NEUROD1: variants seen among roughly 807,000 people sequenced by gnomAD.
NEUROD1 encodes the protein neurogenic differentiation factor 1.
A neutral mutation model predicts 21.8 loss-of-function variants in NEUROD1; 9 were observed. That is an observed-to-expected ratio of 0.41 (90% CI 0.25 to 0.72). The LOEUF (loss-of-function observed/expected upper bound fraction) is 0.72, where lower values mean the gene tolerates loss of function less well. Ranked by LOEUF, NEUROD1 falls within the 30% of genes least tolerant of loss-of-function variation. The pLI is 0.31. For missense variants in NEUROD1, 434 were observed against 468.8 expected, an observed-to-expected ratio of 0.93 and a Z score of 0.69; for synonymous variants, 199 against 186.2, an observed-to-expected ratio of 1.07 and a Z score of -0.56.
At chr2:181,680,358 G>GTAA (rs1688673962) in intron 1 of NEUROD1, 72 bp downstream of exon 1, 1 of 152,224 alleles carries the variant, frequency 6.6e-6, no homozygotes, top group South Asian at 2.1e-4. Context: ...CACACATACA[G>GTAA]AATATGTAGG....
intron 1 of NEUROD1, among the ~76,000 whole-genome samples, chr2:181,679,133 A>G (rs937365608): frequency 2.0e-5 from 3 of 152,154 alleles, no homozygotes; most frequent in African/African-American, 7.2e-5. Flanking sequence ...CCACTCACGC[A>G]TATGTGTTTG....
At chr2:181,672,471 A>T (rs980386452), downstream of NEUROD1, among the ~76,000 whole-genome samples, 35 of 152,230 alleles carry the variant, frequency 2.3e-4, no homozygotes, top group Admixed American at 2.3e-3. Flanking sequence ...GAACAGCAAC[A>T]CACAGAAGAG....
rs886055326 is a variant in NEUROD1, at chr2:181,677,419, T to TA, written c.*370_*371insT. The TA allele has an allele frequency of 6.1e-6, 1 of 163,156 alleles. No individual in the cohort carries two copies. The highest frequency in any genetic ancestry group is 1.4e-5 in the Non-Finnish European group (1 of 73,786). 10.1% of individuals were successfully genotyped at this position (163,156 alleles called of 1,614,324 possible). On this transcript the variant is annotated 3_prime_UTR_variant, in exon 2 of 2. Transcript: ENST00000295108. ...GTTGAAAAATATATATTTATATATATTTTAATTGGCCCATTACTAGTTTAA... is the reference window on the plus strand; with the variant it reads ...GTTGAAAAATATATATTTATATATATATTTAATTGGCCCATTACTAGTTTAA...
At chr2:181,679,249 CAA>C (rs1688654971) in intron 1 of NEUROD1, among the ~76,000 whole-genome samples, 1 of 147,886 alleles carries the variant, frequency 6.8e-6, no homozygotes, top group Non-Finnish European at 1.5e-5. Context: ...CAAATGTGTT[CAA>C]AGTTACTCAC....
exon 2 of NEUROD1, among the ~76,000 whole-genome samples, chr2:181,671,411 A>G (rs1688496557): frequency 6.6e-6 from 1 of 152,156 alleles, no homozygotes; most frequent in Non-Finnish European, 1.5e-5. Context: ...GTTAACAAAC[A>G]ATGACAAGTG....
exon 2 of NEUROD1, among the ~76,000 whole-genome samples, chr2:181,671,350 G>T (rs1000806031): frequency 6.6e-6 from 1 of 151,992 alleles, no homozygotes; most frequent in Non-Finnish European, 1.5e-5. Flanking sequence ...ATATCCATTT[G>T]TACTATCATT....
Position 181,678,632 on chromosome 2 carries a change from C to A in NEUROD1, c.229G>T (p.Asp77Tyr), listed in dbSNP as rs773890241. 6.2e-7 allele frequency: 1 copy of A among 1,614,040 alleles called. No homozygotes were observed. The highest frequency in any genetic ancestry group is 8.5e-7 in the Non-Finnish European group (1 of 1,179,952). The change falls in exon 2 of 2, where the codon GAC becomes TAC. Residue 77 changes from aspartate (D) to tyrosine (Y), a missense_variant. Asp to Tyr is a radical substitution (Grantham distance 160). Coordinates refer to ENST00000295108, the MANE Select transcript of NEUROD1 (RefSeq NM_002500.5). This position sits in a 1 kb window ranked among gnomAD's most constrained non-coding sequence, Gnocchi z 5.5. ...CCGCGTCTCTTGGGCTTTTGATCGT[C>A]ATCCTCCTCTTCCTCTTCTTCCTCC... The part of the protein sequence containing the change: ...EEEEEEEEED[D>Y]DQKPKRRGPK...
Position 181,678,506 on chromosome 2 carries a change from C to T in NEUROD1, c.355G>A (p.Ala119Thr), listed in dbSNP as rs773633010. 2 of 1,614,244 alleles carry T rather than the reference C, an allele frequency of 1.2e-6. No homozygotes were observed. Among genetic ancestry groups the T allele is most frequent in the Non-Finnish European group, 8.5e-7 (1 of 1,180,050 alleles). Residue 119 changes from alanine to threonine, a missense_variant, in exon 2 of 2, where the codon GCG (alanine) becomes ACG (threonine). Ala to Thr is a moderately conservative substitution (Grantham distance 58, BLOSUM62 0). Coordinates refer to ENST00000295108, the MANE Select transcript of NEUROD1 (RefSeq NM_002500.5). The surrounding 1 kb of genome is among the most constrained non-coding windows in gnomAD (Gnocchi z 5.5). ...RERNRMHGLNAALDNLRKVVP... is the reference protein window; with the variant it reads ...RERNRMHGLNTALDNLRKVVP... ...ACCTTGCGCAGGTTGTCTAGCGCCG[C>T]GTTCAGTCCGTGCATGCGGTTCCGC...
chr2:181,674,207 AT>A (rs1445599082), downstream of NEUROD1, among the ~76,000 whole-genome samples: 1 of 152,200 alleles, frequency 6.6e-6, no homozygotes, highest in Non-Finnish European at 1.5e-5. Flanking sequence ...GGATTTTCAC[AT>A]TAAACAAGTA....
exon 2 of NEUROD1, among the ~76,000 whole-genome samples, chr2:181,671,067 C>CATATAT (rs113594124): frequency 6.8e-6 from 1 of 146,056 alleles, no homozygotes; most frequent in Non-Finnish European, 1.5e-5. Flanking sequence ...CATATATACA[C>CATATAT]ATATATATAT....
chr2:181,673,514 A>T (rs1688525792), downstream of NEUROD1: 1 of 152,128 alleles, frequency 6.6e-6, no homozygotes, highest in Non-Finnish European at 1.5e-5. Context: ...GTTCCACAAG[A>T]TGTTGCATTG....
chr2:181,676,384 T>C (rs1688571682), downstream of NEUROD1: 1 of 152,642 alleles, frequency 6.6e-6, no homozygotes, highest in Non-Finnish European at 1.5e-5. Flanking sequence ...TAGTGTTTAG[T>C]ATTTTTTAAC....
downstream of NEUROD1, among the ~76,000 whole-genome samples, chr2:181,674,821 C>T (rs983584937): frequency 6.9e-6 from 1 of 145,272 alleles, no homozygotes; most frequent in African/African-American, 2.5e-5. Context: ...AAAAAAAAAA[C>T]CTAACTTTTA....
chr2:181,670,662 T>C (rs1203240604), exon 2 of NEUROD1, among the ~76,000 whole-genome samples: 1 of 152,108 alleles, frequency 6.6e-6, no homozygotes, highest in Non-Finnish European at 1.5e-5. Context: ...TCTTAGGGAT[T>C]CAGAAGGAGA....
Position 181,677,604 on chromosome 2 carries a change from G to T in NEUROD1, c.*186C>A. The T allele has an allele frequency of 2.0e-6, 2 of 1,015,670 alleles. No individual in the cohort carries two copies. The highest frequency in any genetic ancestry group is 2.9e-6 in the Non-Finnish European group (2 of 692,500). The allele number at this position is 1,015,670 out of a possible 1,614,324, so 62.9% of individuals were successfully genotyped here. A position where few individuals can be genotyped will look rare whatever the true frequency, so the allele number is the denominator to read the frequency against. On this transcript the variant is annotated 3_prime_UTR_variant, in exon 2 of 2. Transcript: ENST00000295108. Reference sequence around the variant, plus strand: ...AGAGCTATAGAAAATAATACATAAGGTGAACAGGAACTTTGATCCCCTGTT... The same window carrying T: ...AGAGCTATAGAAAATAATACATAAGTTGAACAGGAACTTTGATCCCCTGTT...
rs1688645485 is a variant in NEUROD1, at chr2:181,678,849, C to T, written c.12G>A (p.Ser4=). 6.2e-7 allele frequency: 1 copy of T among 1,613,880 alleles called. No individual in the cohort carries two copies. Among genetic ancestry groups the T allele is most frequent in the Middle Eastern group, 1.7e-4 (1 of 5,956 alleles). The change falls in exon 2 of 2, where the codon TCG becomes TCA. Residue 4 remains serine (S), a synonymous_variant. Transcript: ENST00000295108. The surrounding 1 kb of genome is among the most constrained non-coding windows in gnomAD (Gnocchi z 5.5). ...CGCCCATCAGCCCACTCTCGCTGTA[C>T]GATTTGGTCATGTTTCGATTTCCTA... MTK[S]YSESGLMGEP...
Position 181,678,985 on chromosome 2 carries a change from G to C in NEUROD1, c.-11-114C>G. ...AAACCTGTACAAATGCTTGCGAAAA[G>C]TACCTGCCCATTACAAAATGAATGC... On this transcript the variant is annotated intron_variant, in intron 1 of 1. Coordinates refer to ENST00000295108, the MANE Select transcript of NEUROD1 (RefSeq NM_002500.5). This position sits in a 1 kb window ranked among gnomAD's most constrained non-coding sequence, Gnocchi z 5.5. 7.8e-7 allele frequency: 1 copy of C among 1,274,602 alleles called. No homozygotes were observed. The highest frequency in any genetic ancestry group is 1.1e-6 in the Non-Finnish European group (1 of 914,326). 79.0% of individuals were successfully genotyped at this position (1,274,602 alleles called of 1,614,324 possible).
In NEUROD1 at chr2:181,678,922, T is replaced by C; in HGVS notation, c.-11-51A>G. The C allele has an allele frequency of 6.2e-7, 1 of 1,605,388 alleles. No homozygotes were observed. The highest frequency in any genetic ancestry group is 8.5e-7 in the Non-Finnish European group (1 of 1,178,388). On this transcript the variant is annotated intron_variant, in intron 1 of 1. Transcript: ENST00000295108. This position sits in a 1 kb window ranked among gnomAD's most constrained non-coding sequence, Gnocchi z 5.5. ...CAGAAAGAAAAGCAGAAAAACGCTATATTCAAAAGCCAGATACGCCTTCAG... is the reference window on the plus strand; with the variant it reads ...CAGAAAGAAAAGCAGAAAAACGCTACATTCAAAAGCCAGATACGCCTTCAG...
In NEUROD1 at chr2:181,678,306, C is replaced by T. The variant is rs538415264; in HGVS notation, c.555G>A (p.Ala185=). Residue 185 remains alanine, a synonymous_variant, in exon 2 of 2, where the codon GCG becomes GCA. Coordinates refer to ENST00000295108, the MANE Select transcript of NEUROD1 (RefSeq NM_002500.5). The surrounding 1 kb of genome is among the most constrained non-coding windows in gnomAD (Gnocchi z 5.5). ...GLSQPTTNLV[A]GCLQLNPRTF... Reference sequence around the variant, plus strand: ...TCCGAGGATTGAGTTGCAGGCAGCCCGCAACCAGGTTGGTGGTGGGTTGGG... The same window carrying T: ...TCCGAGGATTGAGTTGCAGGCAGCCTGCAACCAGGTTGGTGGTGGGTTGGG... 7 of 1,614,036 alleles carry T rather than the reference C, an allele frequency of 4.3e-6. No individual in the cohort carries two copies. The highest frequency in any genetic ancestry group is 5.9e-6 in the Non-Finnish European group (7 of 1,179,946).
Sources: allele counts gnomAD v4.1 joint callset (sites outside exome capture counted in the v4.1 genomes callset), GRCh38; gene constraint gnomAD v4.1.1; non-coding constraint Gnocchi (gnomAD v3.1); transcripts MANE v1.5; gene names NCBI Gene and HGNC (gene_info 2026-07-23, HGNC 2026-07-21).